The following COL18A1 variants were observed in gnomAD, a reference collection of about 807,000 sequenced individuals.
The protein encoded by COL18A1 is collagen type XVIII alpha 1 chain.
COL18A1 carries 133 observed loss-of-function variants against 168.0 expected under a neutral mutation model. That is an observed-to-expected ratio of 0.79 (90% CI 0.69 to 0.91). The LOEUF (loss-of-function observed/expected upper bound fraction) is 0.91, where lower values mean the gene tolerates loss of function less well. Among genes scored for constraint, COL18A1 ranks in the 40% least tolerant of loss-of-function variants. The pLI, the probability that COL18A1 is intolerant of heterozygous loss-of-function variation, is 0.00. For synonymous variants in COL18A1, 949 were observed against 809.0 expected (o/e 1.17, Z -2.94); for missense variants, 2,126 against 1,925.4 (o/e 1.10, Z -1.95).
At chr21:45,412,186 T>C (rs972155408) in intron 2 of COL18A1, among the ~76,000 whole-genome samples, 2 of 152,204 alleles carry the variant, frequency 1.3e-5, no homozygotes, top group Middle Eastern at 3.4e-3. Flanking sequence ...TTATTGTTTA[T>C]GGTCAGCCTT....
In COL18A1 at chr21:45,471,656, G is replaced by T. The variant is rs1723729619; in HGVS notation, c.652-2239G>T. 6.6e-6 allele frequency among the ~76,000 whole-genome samples: 1 copy of T among 152,168 alleles called. No individual in the cohort carries two copies. The highest frequency in any genetic ancestry group is 2.1e-4 in the South Asian group (1 of 4,816). ...ACTTTCTTGAGTCAGGTTTGTCAGT[G>T]GTCGTCTCCCGGGAAATCATGCACC... On this transcript the variant is annotated intron_variant, in intron 3 of 41. Coordinates refer to ENST00000651438, the MANE Select transcript of COL18A1 (RefSeq NM_001379500.1). The surrounding 1 kb of genome is among the most constrained non-coding windows in gnomAD (Gnocchi z 4.4).
chr21:45,444,523 C>G (rs528884629), intron 2 of COL18A1, among the ~76,000 whole-genome samples: 1 of 152,078 alleles, frequency 6.6e-6, no homozygotes, highest in Non-Finnish European at 1.5e-5. Flanking sequence ...CACGCTCACT[C>G]GTGCATGGAG....
chr21:45,454,308 G>T (rs1383024681), intron 2 of COL18A1, among the ~76,000 whole-genome samples: 2 of 152,152 alleles, frequency 1.3e-5, no homozygotes, highest in Non-Finnish European at 2.9e-5. Context: ...GGACAGCTGG[G>T]GACAGGTTGT....
intron 2 of COL18A1, among the ~76,000 whole-genome samples, chr21:45,430,381 A>G (rs1602364586): frequency 6.6e-6 from 1 of 152,282 alleles, no homozygotes; most frequent in African/African-American, 2.4e-5. Flanking sequence ...CTCTGGGAGG[A>G]CACAGCCTTT....
rs756649129 is a variant in COL18A1 at position 45,510,149 on chromosome 21, G to T, written c.3581G>T (p.Arg1194Leu). The T allele has an allele frequency of 3.8e-6, 6 of 1,598,628 alleles. No individual in the cohort carries two copies. Among genetic ancestry groups the T allele is most frequent in the Non-Finnish European group, 5.1e-6 (6 of 1,173,592 alleles). Residue 1194 changes from arginine to leucine, a missense_variant, in exon 40 of 42, where the codon CGG (arginine) becomes CTG (leucine). Physicochemically the swap from Arg to Leu is moderately radical, Grantham distance 102. Coordinates refer to ENST00000651438, the MANE Select transcript of COL18A1 (RefSeq NM_001379500.1). ...GADFQCFQQARAVGLAGTFRA... is the reference protein window; with the variant it reads ...GADFQCFQQALAVGLAGTFRA... Reference sequence around the variant, plus strand: ...GACTTCCAGTGCTTCCAGCAGGCGCGGGCCGTGGGGCTGGCGGGCACCTTC... The same window carrying T: ...GACTTCCAGTGCTTCCAGCAGGCGCTGGCCGTGGGGCTGGCGGGCACCTTC...
chr21:45,463,944 T>C lies in COL18A1; in HGVS notation c.107-4298T>C, dbSNP rs1354829042. ...GAAATCAAGTCTTGAGGCATCATCATTGTTATATCATGTGCAGGTGTCTAG... is the reference window on the plus strand; with the variant it reads ...GAAATCAAGTCTTGAGGCATCATCACTGTTATATCATGTGCAGGTGTCTAG... On this transcript the variant is annotated intron_variant, in intron 2 of 41. Coordinates refer to ENST00000651438, the MANE Select transcript of COL18A1 (RefSeq NM_001379500.1). The surrounding 1 kb of genome is among the most constrained non-coding windows in gnomAD (Gnocchi z 4.0). 6.6e-6 allele frequency among the ~76,000 whole-genome samples: 1 copy of C among 151,968 alleles called. No individual in the cohort carries two copies. The highest frequency in any genetic ancestry group is 1.5e-5 in the Non-Finnish European group (1 of 67,968).
chr21:45,455,235 C>T (rs1044080629), intron 2 of COL18A1, among the ~76,000 whole-genome samples: 54 of 152,354 alleles, frequency 3.5e-4, no homozygotes, highest in South Asian at 2.1e-4. Flanking sequence ...TAGCGGAGCA[C>T]GTTGGGAACC....
In COL18A1 at chr21:45,511,242, CGT is replaced by C. The variant is rs2037591559; in HGVS notation, c.3809+20_3809+21del. 3 of 1,392,600 alleles carry C rather than the reference CGT, an allele frequency of 2.2e-6. No homozygotes were observed. The allele number at this position is 1,392,600 out of a possible 1,614,324, so 86.3% of individuals were successfully genotyped here. The stretch of plus-strand genomic sequence containing the variant: ...ACCCCACCTGGTAGGTTCCCAGTGC[CGT>C]GTGAGCAGCTCTGAGAGCCCCAGCC... On this transcript the variant is annotated intron_variant, in intron 41 of 41. Coordinates refer to ENST00000651438, the MANE Select transcript of COL18A1 (RefSeq NM_001379500.1).
Position 45,479,921 on chromosome 21 carries a change from G to C in COL18A1, c.1268G>C (p.Gly423Ala). The change falls in exon 10 of 42, where the codon GGC becomes GCC. Residue 423 changes from glycine (G) to alanine (A), a missense_variant. Gly to Ala is a moderately conservative substitution (Grantham distance 60). Coordinates refer to ENST00000651438, the MANE Select transcript of COL18A1 (RefSeq NM_001379500.1). Reference protein sequence around the residue: ...DGKPGDTGPQGFPGTPGDVGP... With the variant: ...DGKPGDTGPQAFPGTPGDVGP... ...TTCCAGGGCGACACCGGGCCACAAGGCTTCCCCGGGACTCCAGGGGACGTA... is the reference window on the plus strand; with the variant it reads ...TTCCAGGGCGACACCGGGCCACAAGCCTTCCCCGGGACTCCAGGGGACGTA... 6.2e-7 allele frequency: 1 copy of C among 1,613,762 alleles called. No individual in the cohort carries two copies. The highest frequency in any genetic ancestry group is 8.5e-7 in the Non-Finnish European group (1 of 1,179,952).
chr21:45,464,549 A>G (rs921010210), intron 2 of COL18A1, among the ~76,000 whole-genome samples: 2 of 152,142 alleles, frequency 1.3e-5, no homozygotes, highest in African/African-American at 2.4e-5. Context: ...CAGTGGCTTA[A>G]ACCAACACAG....
At chr21:45,503,747 T>C (rs1057212033) in intron 32 of COL18A1, among the ~76,000 whole-genome samples, 2 of 151,966 alleles carry the variant, frequency 1.3e-5, no homozygotes, top group Non-Finnish European at 2.9e-5. Flanking sequence ...GTAACTAACC[T>C]GCACATCATG....
chr21:45,419,381 G>A lies in COL18A1; in HGVS notation c.106+13908G>A, dbSNP rs143332683. The stretch of plus-strand genomic sequence containing the variant: ...ATGCCGTGTGTGGTGACACGATGCC[G>A]TGTGTGGTGACACTTAATGTCATGT... On this transcript the variant is annotated intron_variant, in intron 2 of 41. Transcript: ENST00000651438. Among the ~76,000 whole-genome samples, 148 of 152,308 alleles carry A rather than the reference G, an allele frequency of 9.7e-4. 1 individual carries two copies. The highest frequency in any genetic ancestry group is 3.3e-3 in the African/African-American group (136 of 41,570).
intron 2 of COL18A1, chr21:45,456,220 G>A: frequency 1.9e-6 from 3 of 1,607,204 alleles, no homozygotes; most frequent in Non-Finnish European, 1.7e-6. Context: ...CCCCTCCCTG[G>A]GGAAGCCTGC....
chr21:45,468,859 C>T, intron 3 of COL18A1, 73 bp downstream of exon 3: 6 of 1,411,706 alleles, frequency 4.3e-6, no homozygotes, highest in Non-Finnish European at 5.7e-6. Flanking sequence ...GCCACTGGGA[C>T]AGGGACGGAG....
chr21:45,505,763 C>A, intron 36 of COL18A1, 75 bp from the exon 37 acceptor site: 1 of 1,178,262 alleles, frequency 8.5e-7, no homozygotes, highest in Non-Finnish European at 1.2e-6. Flanking sequence ...CACCCTGAAA[C>A]GGGCATTCCT....
chr21:45,455,380 T>C, intron 2 of COL18A1: 1 of 1,114,582 alleles, frequency 9.0e-7, no homozygotes, highest in South Asian at 1.4e-5. Flanking sequence ...GCTGGTGCCT[T>C]CTTTCCTTCT....
chr21:45,505,147 A>C lies in COL18A1; in HGVS notation c.2882A>C (p.Glu961Ala). 4 of 1,609,364 alleles carry C rather than the reference A, an allele frequency of 2.5e-6. No individual in the cohort carries two copies. The highest frequency in any genetic ancestry group is 3.4e-6 in the Non-Finnish European group (4 of 1,178,800). Residue 961 changes from glutamate to alanine, a missense_variant, in exon 35 of 42, where the codon GAG (glutamate) becomes GCG (alanine). Glu to Ala is a moderately radical substitution (Grantham distance 107). Coordinates refer to ENST00000651438, the MANE Select transcript of COL18A1 (RefSeq NM_001379500.1). ...CGCCGTCCGTAGGGTCCCAAGGGAG[A>C]GAGCATCCGGGGCCAGCCCGGCCCA... ...GYPGIPGPKG[E>A]SIRGQPGPPG...
chr21:45,439,574 G>T (rs918206417), intron 2 of COL18A1, among the ~76,000 whole-genome samples: 2 of 152,238 alleles, frequency 1.3e-5, no homozygotes, highest in Non-Finnish European at 2.9e-5. Context: ...TCCCCCTGGC[G>T]GCCGGTCCCT....
intron 2 of COL18A1, chr21:45,456,081 A>G (rs1360134604): frequency 6.2e-7 from 1 of 1,601,938 alleles, no homozygotes; most frequent in South Asian, 1.1e-5. Flanking sequence ...CACACAACCG[A>G]GGCTGGCACC....
Sources: allele counts gnomAD v4.1 joint callset (sites outside exome capture counted in the v4.1 genomes callset), GRCh38; gene constraint gnomAD v4.1.1; non-coding constraint Gnocchi (gnomAD v3.1); transcripts MANE v1.5; gene names NCBI Gene and HGNC (gene_info 2026-07-23, HGNC 2026-07-21).